ARHGAP26: variants seen among roughly 807,000 people sequenced by gnomAD.
The protein encoded by ARHGAP26 is rho GTPase-activating protein 26.
Under a neutral mutation model 104.8 loss-of-function variants are expected in ARHGAP26, and 38 were observed. The ratio of observed to expected loss-of-function variants is 0.36; its 90% confidence interval spans 0.28 to 0.48. ARHGAP26 has a LOEUF of 0.48. Ranked by LOEUF, ARHGAP26 falls within the 20% of genes least tolerant of loss-of-function variation. The pLI is 0.99. For synonymous variants in ARHGAP26, 341 were observed against 340.0 expected (o/e 1.00, Z -0.03); for missense variants, 704 against 947.9 (o/e 0.74, Z 3.38).
chr5:142,923,884 C>G (rs1391083334), intron 10 of ARHGAP26, among the ~76,000 whole-genome samples: 4 of 96,556 alleles, frequency 4.1e-5, no homozygotes, highest in Non-Finnish European at 7.5e-5. Context: ...TTTTTTGATA[C>G]GGAGTCCTGC....
At chr5:143,054,367 T>C (rs1271580349) in intron 14 of ARHGAP26, 72 bp from the exon 15 acceptor site, 2 of 957,464 alleles carry the variant, frequency 2.1e-6, no homozygotes, top group Admixed American at 5.1e-5. Flanking sequence ...CAAGATTGGA[T>C]GCCTTTATGT....
intron 11 of ARHGAP26, among the ~76,000 whole-genome samples, chr5:142,987,963 TA>T (rs1365355598): frequency 1.3e-5 from 2 of 152,086 alleles, no homozygotes; most frequent in Non-Finnish European, 2.9e-5. Context: ...TACTTTTTTG[TA>T]TGTGTCTCTG....
chr5:142,970,101 G>A (rs1772029753), intron 11 of ARHGAP26, among the ~76,000 whole-genome samples: 1 of 152,174 alleles, frequency 6.6e-6, no homozygotes, highest in African/African-American at 2.4e-5. Flanking sequence ...GATGAACAGG[G>A]TGCATATAAA....
intron 1 of ARHGAP26, among the ~76,000 whole-genome samples, chr5:142,826,451 A>G (rs1261738381): frequency 2.0e-5 from 3 of 152,248 alleles, no homozygotes; most frequent in African/African-American, 7.2e-5. Context: ...AAGAGGGGTA[A>G]ATAAGTTGCC....
intron 17 of ARHGAP26, among the ~76,000 whole-genome samples, chr5:143,082,536 T>C (rs968402929): frequency 6.6e-6 from 1 of 152,162 alleles, no homozygotes; most frequent in Non-Finnish European, 1.5e-5. Context: ...AAAGCAAAAA[T>C]TGGGATTTTT....
chr5:142,771,233 C>T (rs1025027486), intron 1 of ARHGAP26: 5 of 1,253,704 alleles, frequency 4.0e-6, no homozygotes, highest in Admixed American at 4.1e-5. Context: ...GGCCAGAGTG[C>T]CGAGCGCGCC....
At chr5:143,091,708 C>G (rs945581188) in intron 17 of ARHGAP26, among the ~76,000 whole-genome samples, 12 of 152,126 alleles carry the variant, frequency 7.9e-5, no homozygotes, top group African/African-American at 2.7e-4. Context: ...TTTATAGACT[C>G]TTTTTAACCT....
intron 20 of ARHGAP26, among the ~76,000 whole-genome samples, chr5:143,166,315 A>G (rs1240188187): frequency 2.6e-5 from 4 of 152,182 alleles, no homozygotes; most frequent in African/African-American, 9.7e-5. Flanking sequence ...CAGGAAGCCC[A>G]GACCAGGAAT....
intron 1 of ARHGAP26, among the ~76,000 whole-genome samples, chr5:142,850,395 C>T (rs974994020): frequency 6.6e-6 from 1 of 152,098 alleles, no homozygotes; most frequent in African/African-American, 2.4e-5. Flanking sequence ...CTCTATGGTG[C>T]TTACTGCTTT....
chr5:142,779,275 C>T (rs1757002639), intron 1 of ARHGAP26, among the ~76,000 whole-genome samples: 1 of 152,132 alleles, frequency 6.6e-6, no homozygotes, highest in Non-Finnish European at 1.5e-5. Flanking sequence ...AGGAAAACAG[C>T]TTGGCAGTGT....
intron 13 of ARHGAP26, among the ~76,000 whole-genome samples, chr5:143,037,940 C>G (rs1291612975): frequency 2.0e-5 from 3 of 152,200 alleles, no homozygotes; most frequent in African/African-American, 7.2e-5. Context: ...CTGATCTTTC[C>G]CAGGTCTGTG....
intron 1 of ARHGAP26, among the ~76,000 whole-genome samples, chr5:142,832,802 T>C (rs1768749416): frequency 6.6e-6 from 1 of 152,198 alleles, no homozygotes; most frequent in South Asian, 2.1e-4. Context: ...TTGAATCTGC[T>C]CAGATGCTTA....
intron 1 of ARHGAP26, among the ~76,000 whole-genome samples, chr5:142,781,573 C>T (rs957315761): frequency 1.3e-5 from 2 of 152,140 alleles, no homozygotes; most frequent in African/African-American, 4.8e-5. Flanking sequence ...GAGCAATGCA[C>T]TCCTTAGGCT....
intron 20 of ARHGAP26, among the ~76,000 whole-genome samples, chr5:143,149,964 A>G (rs1799617592): frequency 6.6e-6 from 1 of 152,210 alleles, no homozygotes; most frequent in African/African-American, 2.4e-5. Flanking sequence ...CTCATAATAC[A>G]GTGGTACCTC....
chr5:142,836,931 G>A (rs1406351751), intron 1 of ARHGAP26, among the ~76,000 whole-genome samples: 2 of 152,184 alleles, frequency 1.3e-5, no homozygotes, highest in Admixed American at 1.3e-4. Context: ...AGCCCAGGTG[G>A]TACTGAGATC....
intron 13 of ARHGAP26, 33 bp from the exon 14 acceptor site, chr5:143,041,783 C>T: frequency 1.3e-6 from 2 of 1,561,138 alleles, no homozygotes; most frequent in Non-Finnish European, 1.8e-6. Flanking sequence ...TCTGACGTGC[C>T]TCTAATTAAA....
At chr5:142,771,642 T>A (rs1755233087) in intron 1 of ARHGAP26, among the ~76,000 whole-genome samples, 1 of 152,308 alleles carries the variant, frequency 6.6e-6, no homozygotes, top group South Asian at 2.1e-4. Context: ...ACTCTCTCCC[T>A]CTCCTGCTCC....
chr5:142,940,321 A>AT (rs1562119150), intron 11 of ARHGAP26, among the ~76,000 whole-genome samples: 1 of 151,826 alleles, frequency 6.6e-6, no homozygotes, highest in Non-Finnish European at 1.5e-5. Flanking sequence ...TATTTATTTA[A>AT]TTTTTTTTAA....
At chr5:142,821,036 G>T (rs1019355352) in intron 1 of ARHGAP26, among the ~76,000 whole-genome samples, 1 of 152,186 alleles carries the variant, frequency 6.6e-6, no homozygotes, top group Non-Finnish European at 1.5e-5. Flanking sequence ...TGCCAGGAAT[G>T]AGGACTCCTT....
Sources: allele counts gnomAD v4.1 joint callset (sites outside exome capture counted in the v4.1 genomes callset), GRCh38; gene constraint gnomAD v4.1.1; transcripts MANE v1.5; gene names NCBI Gene and HGNC (gene_info 2026-07-23, HGNC 2026-07-21).